The following BTBD17 variants were observed in gnomAD, a reference collection of about 807,000 sequenced individuals.
BTBD17 encodes BTB domain containing 17, also known as BTB/POZ domain-containing protein 17.
Under a neutral mutation model 36.9 loss-of-function variants are expected in BTBD17, and 26 were observed. The observed-to-expected ratio is 0.70, with a 90% CI of 0.52 to 0.98. The LOEUF (loss-of-function observed/expected upper bound fraction) is 0.98, where lower values mean the gene tolerates loss of function less well. Ranked by LOEUF, BTBD17 falls within the 50% of genes least tolerant of loss-of-function variation. The pLI is 0.00. For synonymous variants in BTBD17, 341 were observed against 338.0 expected, an observed-to-expected ratio of 1.01 and a Z score of -0.10; for missense variants, 630 against 691.3, an observed-to-expected ratio of 0.91 and a Z score of 0.99.
Position 74,356,873 on chromosome 17 carries a change from C to G in BTBD17, c.1221G>C (p.Val407=). The G allele has an allele frequency of 6.6e-7, 1 of 1,508,064 alleles. No homozygotes were observed. The highest frequency in any genetic ancestry group is 8.8e-7 in the Non-Finnish European group (1 of 1,138,704). 93.4% of individuals were successfully genotyped at this position (1,508,064 alleles called of 1,614,324 possible). A position where few individuals can be genotyped will look rare whatever the true frequency, so the allele number is the denominator to read the frequency against. ...CCACCAGCACCGTCTTCTGGAAGCT[C>G]ACGCCCGCCGCGTCGCCGCCGCTGC... The part of the protein sequence containing the change: ...PASSGGDAAG[V]SFQKTVLVGA... Residue 407 remains valine (V), a synonymous_variant, in exon 3 of 3, where the codon GTG becomes GTC. Transcript: ENST00000375366. This position sits in a 1 kb window ranked among gnomAD's most constrained non-coding sequence, Gnocchi z 4.3.
intron 2 of BTBD17, 133 bp downstream of exon 2, chr17:74,359,836 A>G: frequency 1.2e-6 from 1 of 847,956 alleles, no homozygotes; most frequent in Non-Finnish European, 1.8e-6. Context: ...TGCAGGGGTC[A>G]CTGTCATCCC....
In BTBD17 at chr17:74,360,209, G is replaced by T. The variant is rs2054928858; in HGVS notation, c.122C>A (p.Thr41Asn). 1 of 1,608,402 alleles carries T rather than the reference G, an allele frequency of 6.2e-7. No individual in the cohort carries two copies. The highest frequency in any genetic ancestry group is 8.5e-7 in the Non-Finnish European group (1 of 1,177,042). The change falls in exon 2 of 3, where the codon ACC becomes AAC. Residue 41 changes from threonine (T) to asparagine (N), a missense_variant. Coordinates refer to ENST00000375366, the MANE Select transcript of BTBD17 (RefSeq NM_001080466.2). ...RADVGGEAAG[T>N]SINHSQAVLQ... is the part of the protein sequence containing the mutation. ...CACCGCCTGGGAGTGGTTGATGGAG[G>T]TGCCAGCTGCCTCCCCGCCAACATC...
chr17:74,357,284 C>T lies in BTBD17; in HGVS notation c.810G>A (p.Ala270=), dbSNP rs1289099280. 1 of 1,557,710 alleles carries T rather than the reference C, an allele frequency of 6.4e-7. No homozygotes were observed. The highest frequency in any genetic ancestry group is 1.2e-5 in the South Asian group (1 of 85,244). The part of the protein sequence containing the change: ...IPPAQLFQLQ[A]RSAALARHGP... ...CGTGGCGCGCCAGGGCTGCCGAGCG[C>T]GCCTGCAGCTGGAACAGCTGTGCCG... Residue 270 remains alanine, a synonymous_variant, in exon 3 of 3, where the codon GCG becomes GCA. Coordinates refer to ENST00000375366, the MANE Select transcript of BTBD17 (RefSeq NM_001080466.2). The surrounding 1 kb of genome is among the most constrained non-coding windows in gnomAD (Gnocchi z 8.4).
chr17:74,362,877 A>G (rs774459488), upstream of BTBD17, among the ~76,000 whole-genome samples: 5 of 152,192 alleles, frequency 3.3e-5, no homozygotes, highest in Non-Finnish European at 5.9e-5. Flanking sequence ...TTGCAGTCTC[A>G]GTTGGGTTAG....
intron 2 of BTBD17, among the ~76,000 whole-genome samples, chr17:74,358,854 A>G (rs886485927): frequency 6.6e-6 from 1 of 152,146 alleles, no homozygotes; most frequent in African/African-American, 2.4e-5. Flanking sequence ...CACATTTCCC[A>G]GGCTCCCTCA....
Position 74,359,963 on chromosome 17 carries a change from C to A in BTBD17, c.362+6G>T. The A allele has an allele frequency of 6.2e-7, 1 of 1,603,532 alleles. No homozygotes were observed. Among genetic ancestry groups the A allele is most frequent in the South Asian group, 1.1e-5 (1 of 90,830 alleles). The stretch of plus-strand genomic sequence containing the variant: ...GAAGCCATCCCCTAGTCTTCCGCGT[C>A]CCCACCTGATGAACTTGTCGAAGAC... On this transcript the variant is annotated splice_donor_region_variant and intron_variant, in intron 2 of 2. Coordinates refer to ENST00000375366, the MANE Select transcript of BTBD17 (RefSeq NM_001080466.2).
At chr17:74,362,927 G>A (rs537970205), upstream of BTBD17, among the ~76,000 whole-genome samples, 48 of 151,694 alleles carry the variant, frequency 3.2e-4, no homozygotes, top group African/African-American at 9.9e-4. Flanking sequence ...GCAACAGAGA[G>A]AGGAAAGTGA....
chr17:74,360,363 G>T, intron 1 of BTBD17, 118 bp from the exon 2 acceptor site: 1 of 1,099,454 alleles, frequency 9.1e-7, no homozygotes, highest in Non-Finnish European at 1.3e-6. Flanking sequence ...GGGCAAGGTG[G>T]GCCTAGGCGG....
upstream of BTBD17, among the ~76,000 whole-genome samples, chr17:74,362,921 CAG>C (rs1166562748): frequency 2.6e-5 from 4 of 151,426 alleles, no homozygotes; most frequent in African/African-American, 9.7e-5. Context: ...ACAAAGGCAA[CAG>C]AGAGAGGAAA....
At chr17:74,361,666 C>T (rs12939498) in intron 1 of BTBD17, 69 bp downstream of exon 1, 626,298 of 1,340,774 alleles carry the variant, frequency 0.47, 153,728 homozygotes, top group Non-Finnish European at 0.5. Context: ...CCTGGCCGGC[C>T]GCGTGCAGCC....
At chr17:74,362,189 T>C (rs900415945), upstream of BTBD17, among the ~76,000 whole-genome samples, 8 of 152,212 alleles carry the variant, frequency 5.3e-5, no homozygotes, top group Non-Finnish European at 7.3e-5. Flanking sequence ...CTGGCAGCCA[T>C]TGGCCTGAGG....
chr17:74,357,612 T>G lies in BTBD17; in HGVS notation c.482A>C (p.His161Pro). 1 of 1,550,054 alleles carries G rather than the reference T, an allele frequency of 6.5e-7. No individual in the cohort carries two copies. Among genetic ancestry groups the G allele is most frequent in the Non-Finnish European group, 8.7e-7 (1 of 1,151,608 alleles). The change falls in exon 3 of 3, where the codon CAC (histidine) becomes CCC (proline). Residue 161 changes from histidine (H) to proline (P), a missense_variant. Coordinates refer to ENST00000375366, the MANE Select transcript of BTBD17 (RefSeq NM_001080466.2). This position sits in a 1 kb window ranked among gnomAD's most constrained non-coding sequence, Gnocchi z 8.4. ...QRGVADYMRA[H>P]LAGGAGPAVG... ...CGCCGGGCCCGCGCCTCCCGCCAGG[T>G]GCGCGCGCATGTAGTCGGCCACGCC...
chr17:74,361,445 C>T (rs978320462), intron 1 of BTBD17, among the ~76,000 whole-genome samples: 2 of 152,168 alleles, frequency 1.3e-5, no homozygotes, highest in African/African-American at 4.8e-5. Flanking sequence ...TGTTTCCCAG[C>T]ACGGCCTTCC....
Position 74,357,845 on chromosome 17 carries a change from G to A in BTBD17, c.363-114C>T, listed in dbSNP as rs1457690206. 5 of 801,464 alleles carry A rather than the reference G, an allele frequency of 6.2e-6. No homozygotes were observed. The highest frequency in any genetic ancestry group is 9.4e-6 in the Non-Finnish European group (5 of 530,826). 49.6% of individuals were successfully genotyped at this position (801,464 alleles called of 1,614,324 possible). On this transcript the variant is annotated intron_variant, in intron 2 of 2. Transcript: ENST00000375366. The surrounding 1 kb of genome is among the most constrained non-coding windows in gnomAD (Gnocchi z 8.4). ...GGAGTTGGAGCTTCACTGTCCGGGT[G>A]CAAACACAGTGGAAGCCCCACCCTG...
chr17:74,363,238 C>G (rs1008672091), upstream of BTBD17, among the ~76,000 whole-genome samples: 5 of 152,194 alleles, frequency 3.3e-5, no homozygotes, highest in Non-Finnish European at 7.3e-5. Flanking sequence ...GCTCCACCCC[C>G]TCTCTGGAGC....
intron 2 of BTBD17, among the ~76,000 whole-genome samples, chr17:74,358,433 A>AAGGCT (rs1318975198): frequency 6.7e-6 from 1 of 148,500 alleles, no homozygotes. Context: ...CTAGGAGTTC[A>AAGGCT]AGGCTGCAGT....
chr17:74,360,329 G>A, intron 1 of BTBD17, 84 bp from the exon 2 acceptor site: 1 of 1,417,248 alleles, frequency 7.1e-7, no homozygotes, highest in Non-Finnish European at 9.6e-7. Context: ...ACCAGCTGGA[G>A]ACATATGCAT....
chr17:74,362,267 C>T (rs1193127761), upstream of BTBD17, among the ~76,000 whole-genome samples: 1 of 152,116 alleles, frequency 6.6e-6, no homozygotes, highest in Non-Finnish European at 1.5e-5. Context: ...AGCGTCGTGC[C>T]TGGAGCACCA....
upstream of BTBD17, chr17:74,362,094 C>T (rs1424144247): frequency 3.4e-5 from 14 of 417,220 alleles, no homozygotes; most frequent in Non-Finnish European, 5.7e-5. Context: ...CTCCCCCAAT[C>T]TCCTTACCAC....
Sources: gnomAD v4.1 joint callset for allele counts (sites outside exome capture counted in the v4.1 genomes callset) on GRCh38, gnomAD v4.1.1 for gene constraint, Gnocchi (gnomAD v3.1) non-coding constraint, MANE v1.5 for transcripts, NCBI Gene and HGNC (gene_info 2026-07-23, HGNC 2026-07-21) for gene names.